Variants in ELP3 observed in about 807,000 individuals in gnomAD.
ELP3 encodes elongator complex protein 3.
Under a neutral mutation model 74.9 loss-of-function variants are expected in ELP3, and 56 were observed. That is an observed-to-expected ratio of 0.75 (90% confidence interval 0.60 to 0.93). The LOEUF (loss-of-function observed/expected upper bound fraction) is 0.93. Among genes scored for constraint, ELP3 ranks in the 40% least tolerant of loss-of-function variants. ELP3 has a pLI of 0.00. For missense variants in ELP3, 573 were observed against 686.5 expected, an observed-to-expected ratio of 0.83 and a Z score of 1.85; for synonymous variants, 222 against 239.8, an observed-to-expected ratio of 0.93 and a Z score of 0.68.
chr8:28,189,806 A>T lies in ELP3; in HGVS notation c.*81A>T. On this transcript the variant is annotated 3_prime_UTR_variant, in exon 15 of 15. Coordinates refer to ENST00000256398, the MANE Select transcript of ELP3 (RefSeq NM_018091.6). ...AGGATTTCTTAAATACTCAACAGAG[A>T]GGCTGAGCAGAGCAAATGGGGGGCT... The T allele has an allele frequency of 6.8e-7, 1 of 1,464,626 alleles. No individual in the cohort carries two copies. The highest frequency in any genetic ancestry group is 9.5e-7 in the Non-Finnish European group (1 of 1,050,014). The allele number at this position is 1,464,626 out of a possible 1,614,324, so 90.7% of individuals were successfully genotyped here. A position where few individuals can be genotyped will look rare whatever the true frequency, so the allele number is the denominator to read the frequency against.
At chr8:28,158,669 G>A in intron 12 of ELP3, 36 bp downstream of exon 12, 2 of 1,560,070 alleles carry the variant, frequency 1.3e-6, no homozygotes, top group Middle Eastern at 1.7e-4. Flanking sequence ...CCTAGGTACT[G>A]TCCTTAGATC....
intron 14 of ELP3, among the ~76,000 whole-genome samples, chr8:28,177,688 G>A (rs572048315): frequency 1.3e-5 from 2 of 152,338 alleles, no homozygotes; most frequent in Admixed American, 1.3e-4. Context: ...ATTACTAGCA[G>A]TGAAGGGTGG....
chr8:28,141,494 G>A (rs1813235908), intron 10 of ELP3, among the ~76,000 whole-genome samples: 1 of 152,146 alleles, frequency 6.6e-6, no homozygotes, highest in Non-Finnish European at 1.5e-5. Flanking sequence ...GGACTTTAAT[G>A]GGACACTGGT....
chr8:28,142,902 A>G (rs1293835156), intron 10 of ELP3, among the ~76,000 whole-genome samples: 1 of 152,106 alleles, frequency 6.6e-6, no homozygotes, highest in Non-Finnish European at 1.5e-5. Flanking sequence ...ACTGAGGTTC[A>G]GTAAAGCATT....
In ELP3 at chr8:28,147,378, A is replaced by G. The variant is rs1426992460; in HGVS notation, c.1101-8564A>G. On this transcript the variant is annotated intron_variant, in intron 10 of 14. Coordinates refer to ENST00000256398, the MANE Select transcript of ELP3 (RefSeq NM_018091.6). The surrounding 1 kb of genome is among the most constrained non-coding windows in gnomAD (Gnocchi z 4.5). ...AAGGAGAGGGAGTGCAGAGATGGCA[A>G]CTGCAGTTGTTGGGAGATTAGTTAC... 6.6e-6 allele frequency among the ~76,000 whole-genome samples: 1 copy of G among 151,880 alleles called. No individual in the cohort carries two copies. The highest frequency in any genetic ancestry group is 1.5e-5 in the Non-Finnish European group (1 of 67,940).
intron 10 of ELP3, among the ~76,000 whole-genome samples, chr8:28,141,178 T>C (rs1813223714): frequency 6.6e-6 from 1 of 152,094 alleles, no homozygotes; most frequent in Non-Finnish European, 1.5e-5. Context: ...AATAACCTAA[T>C]AGTGGGAAAA....
chr8:28,164,580 G>A (rs1040177862), intron 14 of ELP3, among the ~76,000 whole-genome samples: 1 of 152,100 alleles, frequency 6.6e-6, no homozygotes, highest in Non-Finnish European at 1.5e-5. Context: ...CTGCCTGGAA[G>A]CCCCACCATT....
chr8:28,093,074 T>C, upstream of ELP3: 3 of 1,413,702 alleles, frequency 2.1e-6, no homozygotes, highest in Non-Finnish European at 2.9e-6. Flanking sequence ...TTTGTGCACG[T>C]CGGCTTCCGG....
intron 7 of ELP3, among the ~76,000 whole-genome samples, chr8:28,122,570 A>T (rs1192432041): frequency 1.3e-5 from 2 of 152,106 alleles, no homozygotes; most frequent in Admixed American, 6.6e-5. Context: ...CATTTTGTCA[A>T]ACATTTTGGT....
intron 10 of ELP3, among the ~76,000 whole-genome samples, chr8:28,154,004 G>C (rs766014506): frequency 2.6e-5 from 4 of 152,180 alleles, no homozygotes; most frequent in Non-Finnish European, 5.9e-5. Flanking sequence ...GATACAGAGA[G>C]GAGCACTGCC....
At chr8:28,161,078 A>G (rs1814065925) in intron 13 of ELP3, among the ~76,000 whole-genome samples, 1 of 152,216 alleles carries the variant, frequency 6.6e-6, no homozygotes, top group African/African-American at 2.4e-5. Context: ...CAGGTTAGAC[A>G]GTAATGGGAA....
At chr8:28,096,166 C>A (rs1003278746) in intron 1 of ELP3, among the ~76,000 whole-genome samples, 1 of 152,202 alleles carries the variant, frequency 6.6e-6, no homozygotes, top group Non-Finnish European at 1.5e-5. Context: ...CACTGTCTCC[C>A]ATCACCCCCA....
intron 10 of ELP3, among the ~76,000 whole-genome samples, chr8:28,148,704 C>A (rs939964615): frequency 6.6e-6 from 1 of 152,156 alleles, no homozygotes; most frequent in Non-Finnish European, 1.5e-5. Flanking sequence ...AGATTTTCTA[C>A]TTTAGCTCAT....
intron 10 of ELP3, among the ~76,000 whole-genome samples, chr8:28,140,665 G>T (rs1813201254): frequency 6.6e-6 from 1 of 152,140 alleles, no homozygotes; most frequent in Non-Finnish European, 1.5e-5. Context: ...GGGAGCCAAT[G>T]TCCTTCTTGC....
chr8:28,099,583 A>G (rs141971183), intron 2 of ELP3, among the ~76,000 whole-genome samples: 4 of 152,348 alleles, frequency 2.6e-5, no homozygotes, highest in African/African-American at 9.6e-5. Flanking sequence ...GTCATCGTCC[A>G]GGGACCCTTC....
In ELP3 at chr8:28,131,773, A is replaced by C. The variant is rs369473979; in HGVS notation, c.780-505A>C. ...TGTTATTTAAGGATCCTCCAAACCC[A>C]CCAGTGAAATCTATTTTGTATCATA... On this transcript the variant is annotated intron_variant, in intron 8 of 14. Coordinates refer to ENST00000256398, the MANE Select transcript of ELP3 (RefSeq NM_018091.6). Among the ~76,000 whole-genome samples, 9 of 152,290 alleles carry C rather than the reference A, an allele frequency of 5.9e-5. No individual in the cohort carries two copies. The East Asian group carries it at 1.5e-3, about 26-fold the overall frequency.
At chr8:28,149,001 A>C (rs2130516470) in intron 10 of ELP3, among the ~76,000 whole-genome samples, 1 of 152,348 alleles carries the variant, frequency 6.6e-6, no homozygotes, top group East Asian at 1.9e-4. Context: ...AAGAGGCCCC[A>C]GAGAACTGCC....
chr8:28,110,261 A>C (rs1811862737), intron 5 of ELP3, 109 bp from the exon 6 acceptor site: 1 of 945,120 alleles, frequency 1.1e-6, no homozygotes, highest in Admixed American at 2.3e-5. Flanking sequence ...GGTACAAGCC[A>C]CGTTTTCAGT....
chr8:28,112,743 C>T, intron 6 of ELP3: 1 of 246,572 alleles, frequency 4.1e-6, no homozygotes, highest in Middle Eastern at 1.2e-3. Context: ...AGTTTATATT[C>T]TTCGTGTTTT....
Sources: gnomAD v4.1 joint callset for allele counts (sites outside exome capture counted in the v4.1 genomes callset) on GRCh38, gnomAD v4.1.1 for gene constraint, Gnocchi (gnomAD v3.1) non-coding constraint, MANE v1.5 for transcripts, NCBI Gene and HGNC (gene_info 2026-07-23, HGNC 2026-07-21) for gene names.